MYO5B: variants seen among roughly 807,000 people sequenced by gnomAD.
MYO5B encodes the protein unconventional myosin-Vb.
Under a neutral mutation model 229.3 loss-of-function variants are expected in MYO5B, and 143 were observed. The ratio of observed to expected loss-of-function variants is 0.62; its 90% CI spans 0.54 to 0.72. The LOEUF is 0.72. Among genes scored for constraint, MYO5B ranks in the 30% least tolerant of loss-of-function variants. The pLI is 0.00. For missense variants in MYO5B, 2,321 were observed against 2,331.0 expected (o/e 1.00, Z 0.09); for synonymous variants, 918 against 885.2 (o/e 1.04, Z -0.66).
chr18:50,130,876 T>C (rs527401214), intron 1 of MYO5B, among the ~76,000 whole-genome samples: 1 of 152,282 alleles, frequency 6.6e-6, no homozygotes, highest in East Asian at 1.9e-4. Context: ...GAAAAGGTAG[T>C]TTCCCTTTTG....
chr18:50,040,263 T>A lies in MYO5B; in HGVS notation c.190A>T (p.Asn64Tyr). ...TTTTCTCCCACCAAGATATCTGGAT[T>A]CCGTAAGAAGGGCAGCTGGTTGCGT... ...VQRNQLPFLR[N>Y]PDILVGENDL... The change falls in exon 3 of 40, where the codon AAT becomes TAT. Residue 64 changes from asparagine (N) to tyrosine (Y), a missense_variant. This residue lies in a region of MYO5B where 2,113 missense variants were observed against 2,044.7 expected (regional missense o/e 1.03). Transcript: ENST00000285039. 1 of 1,614,048 alleles carries A rather than the reference T, an allele frequency of 6.2e-7. No homozygotes were observed. Among genetic ancestry groups the A allele is most frequent in the Non-Finnish European group, 8.5e-7 (1 of 1,180,004 alleles).
intron 12 of MYO5B, among the ~76,000 whole-genome samples, chr18:49,960,211 C>T (rs1039831416): frequency 2.0e-5 from 3 of 152,194 alleles, no homozygotes; most frequent in South Asian, 2.1e-4. Context: ...CACCATGAGT[C>T]CAATCCTTCA....
intron 1 of MYO5B, among the ~76,000 whole-genome samples, chr18:50,146,070 T>A (rs931992804): frequency 6.6e-6 from 1 of 152,242 alleles, no homozygotes; most frequent in Non-Finnish European, 1.5e-5. Flanking sequence ...AGACAGTAGC[T>A]CAGTTTAATT....
At chr18:49,856,003 T>C (rs1259421901) in intron 30 of MYO5B, among the ~76,000 whole-genome samples, 4 of 152,202 alleles carry the variant, frequency 2.6e-5, no homozygotes, top group African/African-American at 4.8e-5. Context: ...CAGGCTCCAA[T>C]AGGCAAAGCT....
At chr18:50,071,407 G>C (rs766492976) in intron 1 of MYO5B, among the ~76,000 whole-genome samples, 1 of 152,168 alleles carries the variant, frequency 6.6e-6, no homozygotes, top group Admixed American at 6.5e-5. Context: ...CATGCATACA[G>C]GACAGGGCCT....
At chr18:50,004,434 C>T (rs1287745299) in intron 4 of MYO5B, among the ~76,000 whole-genome samples, 1 of 152,208 alleles carries the variant, frequency 6.6e-6, no homozygotes, top group Non-Finnish European at 1.5e-5. Context: ...CTAATTCTGC[C>T]TAACTTCACG....
intron 18 of MYO5B, among the ~76,000 whole-genome samples, chr18:49,908,488 G>A (rs944318755): frequency 1.3e-5 from 2 of 152,196 alleles, no homozygotes; most frequent in Non-Finnish European, 2.9e-5. Flanking sequence ...ACTTGCTCAA[G>A]GTGACTTGAG....
In MYO5B at chr18:49,876,862, T is replaced by C. The variant is rs148978343; in HGVS notation, c.3396+901A>G. On this transcript the variant is annotated intron_variant, in intron 25 of 39. Coordinates refer to ENST00000285039, the MANE Select transcript of MYO5B (RefSeq NM_001080467.3). ...CTCCTTCTCTCCCTCCACCCTCTGC[T>C]CCAGCATTCTCTATTGCTGATGGTC... Among the ~76,000 whole-genome samples the C allele has an allele frequency of 2.1e-4, 32 of 152,334 alleles. 1 individual carries two copies. The highest frequency in any genetic ancestry group is 2.1e-3 in the South Asian group (10 of 4,830).
intron 27 of MYO5B, among the ~76,000 whole-genome samples, chr18:49,867,908 A>G (rs1255952898): frequency 2.6e-5 from 4 of 152,236 alleles, no homozygotes; most frequent in African/African-American, 9.6e-5. Context: ...AATAAAATGG[A>G]CAGTCCAGTT....
In MYO5B at chr18:49,825,536, C is replaced by T. The variant is rs925925014; in HGVS notation, c.*935G>A. The T allele has an allele frequency of 5.9e-5, 9 of 152,138 alleles. No individual in the cohort carries two copies. The highest frequency in any genetic ancestry group is 2.2e-4 in the African/African-American group (9 of 41,430). 9.4% of individuals were successfully genotyped at this position (152,138 alleles called of 1,614,324 possible). A position where few individuals can be genotyped will look rare whatever the true frequency, so the allele number is the denominator to read the frequency against. On this transcript the variant is annotated 3_prime_UTR_variant, in exon 40 of 40. Transcript: ENST00000285039. ...CTATTTGGTTTCTGGAACAGTAGAG[C>T]ATTATGTGATGCTCTTACTGGAAGC... is the stretch of plus-strand genomic sequence containing the variant.
chr18:50,108,934 C>T (rs746844978), intron 1 of MYO5B, among the ~76,000 whole-genome samples: 8 of 152,178 alleles, frequency 5.3e-5, no homozygotes, highest in Non-Finnish European at 1.0e-4. Flanking sequence ...TACAGTTCAC[C>T]TGGCTTTGAA....
chr18:49,890,776 A>G (rs2024703183), intron 22 of MYO5B, among the ~76,000 whole-genome samples: 1 of 152,170 alleles, frequency 6.6e-6, no homozygotes, highest in Admixed American at 6.5e-5. Context: ...TAGGGACAAT[A>G]CCTTTAATTC....
Position 49,906,504 on chromosome 18 carries a change from C to T in MYO5B, c.2329G>A (p.Gly777Arg). The change falls in exon 19 of 40, where the codon GGA becomes AGA. Residue 777 changes from glycine (G) to arginine (R), a missense_variant. By Grantham distance (125) the Gly-to-Arg change is moderately radical. Coordinates refer to ENST00000285039, the MANE Select transcript of MYO5B (RefSeq NM_001080467.3). ...ATIMIQKTVR[G>R]WLQKVKYHRL... ...TGATATTTCACCTTCTGCAGCCATCCCCGGACAGTTTTCTGGATCATGATG... is the reference window on the plus strand; with the variant it reads ...TGATATTTCACCTTCTGCAGCCATCTCCGGACAGTTTTCTGGATCATGATG... 1 of 1,614,150 alleles carries T rather than the reference C, an allele frequency of 6.2e-7. No individual in the cohort carries two copies. The highest frequency in any genetic ancestry group is 8.5e-7 in the Non-Finnish European group (1 of 1,180,028).
At chr18:50,018,416 T>TCAA (rs1284208493) in intron 4 of MYO5B, among the ~76,000 whole-genome samples, 2 of 152,212 alleles carry the variant, frequency 1.3e-5, no homozygotes, top group Non-Finnish European at 2.9e-5. Flanking sequence ...CTTCAATTGT[T>TCAA]CATTCCTTAT....
intron 17 of MYO5B, among the ~76,000 whole-genome samples, chr18:49,922,828 CA>C (rs2025089048): frequency 6.6e-6 from 1 of 151,914 alleles, no homozygotes; most frequent in South Asian, 2.1e-4. Context: ...GAAAAAAGTC[CA>C]AAACAATCAG....
At chr18:49,909,046 C>A (rs544612652) in intron 18 of MYO5B, among the ~76,000 whole-genome samples, 6 of 152,328 alleles carry the variant, frequency 3.9e-5, no homozygotes, top group African/African-American at 9.6e-5. Context: ...GCCTGCCCTG[C>A]AGGCCACCTT....
At chr18:50,066,095 C>A (rs1402608776) in intron 1 of MYO5B, among the ~76,000 whole-genome samples, 1 of 152,062 alleles carries the variant, frequency 6.6e-6, no homozygotes, top group Non-Finnish European at 1.5e-5. Flanking sequence ...GAAAACTACA[C>A]ATGGATTTCA....
At chr18:50,011,598 A>T (rs889266693) in intron 4 of MYO5B, among the ~76,000 whole-genome samples, 4 of 151,958 alleles carry the variant, frequency 2.6e-5, no homozygotes, top group African/African-American at 9.7e-5. Context: ...ATGAGCAGGG[A>T]ATCTGGGAAC....
rs1459448783 is a variant in MYO5B at position 50,043,476 on chromosome 18, T to C, written c.139-3162A>G. Reference sequence around the variant, plus strand: ...TTAAATATATTTGTATATATTTACATATATAAATATATTTTTATATATAAA... The same window carrying C: ...TTAAATATATTTGTATATATTTACACATATAAATATATTTTTATATATAAA... On this transcript the variant is annotated intron_variant, in intron 2 of 39. Transcript: ENST00000285039. Among the ~76,000 whole-genome samples, 94 of 86,404 alleles carry C rather than the reference T, an allele frequency of 1.1e-3. 1 individual carries two copies. The highest frequency in any genetic ancestry group is 1.7e-3 in the Non-Finnish European group (73 of 43,934). The allele number at this position is 86,404 out of a possible 152,430, so 56.7% of individuals were successfully genotyped here. A position where few individuals can be genotyped will look rare whatever the true frequency, so the allele number is the denominator to read the frequency against.
Sources: gnomAD v4.1 joint callset for allele counts (sites outside exome capture counted in the v4.1 genomes callset) on GRCh38, gnomAD v4.1.1 for gene constraint, gnomAD v4.1.1 regional missense constraint, MANE v1.5 for transcripts, NCBI Gene and HGNC (gene_info 2026-07-23, HGNC 2026-07-21) for gene names.